Variants in DOCK7 observed in about 807,000 individuals in gnomAD.
The protein encoded by DOCK7 is dedicator of cytokinesis 7.
DOCK7 carries 138 observed loss-of-function variants against 271.0 expected under a neutral mutation model. That is an observed-to-expected ratio of 0.51 (90% confidence interval 0.44 to 0.59). The LOEUF (loss-of-function observed/expected upper bound fraction) is 0.59, where lower values mean the gene tolerates loss of function less well. Ranked by LOEUF, DOCK7 falls within the 20% of genes least tolerant of loss-of-function variation. The pLI is 0.00. For synonymous variants in DOCK7, 823 were observed against 876.1 expected (o/e 0.94, Z 1.07); for missense variants, 2,066 against 2,592.4 (o/e 0.80, Z 4.41).
intron 33 of DOCK7, among the ~76,000 whole-genome samples, chr1:62,511,988 CAAG>C (rs1298524035): frequency 2.0e-5 from 3 of 152,010 alleles, no homozygotes; most frequent in Admixed American, 6.6e-5. Context: ...GTAAGAATTA[CAAG>C]AATTATAAGA....
intron 1 of DOCK7, among the ~76,000 whole-genome samples, chr1:62,684,113 A>G (rs1661468140): frequency 6.6e-6 from 1 of 151,860 alleles, no homozygotes; most frequent in Non-Finnish European, 1.5e-5. Context: ...GGTGACGAGG[A>G]CAGGAGAATC....
chr1:62,588,591 C>T (rs1647918356), intron 14 of DOCK7, among the ~76,000 whole-genome samples: 3 of 152,002 alleles, frequency 2.0e-5, no homozygotes, highest in African/African-American at 4.8e-5. Flanking sequence ...AATCTAGCGC[C>T]TTAGTCATAT....
intron 15 of DOCK7, chr1:62,584,708 C>T (rs1647291457): frequency 8.4e-7 from 1 of 1,195,752 alleles, no homozygotes; most frequent in East Asian, 2.6e-5. Context: ...AAGATATAGA[C>T]ATGAGTAAGA....
intron 48 of DOCK7, among the ~76,000 whole-genome samples, chr1:62,466,538 A>G (rs1346800602): frequency 6.6e-6 from 1 of 152,208 alleles, no homozygotes; most frequent in African/African-American, 2.4e-5. Context: ...AGTTAAGGGA[A>G]TGCCCTTTAA....
intron 48 of DOCK7, chr1:62,458,077 G>C: frequency 5.0e-6 from 1 of 201,956 alleles, no homozygotes; most frequent in East Asian, 1.2e-4. Flanking sequence ...CTTCAGCCCA[G>C]GAAGTGGAGA....
In DOCK7 at chr1:62,578,954, A is replaced by G; in HGVS notation, c.1884T>C (p.Phe628=). The change falls in exon 17 of 50, where the codon TTT becomes TTC. Residue 628 remains phenylalanine (F), a synonymous_variant. Transcript: ENST00000635253. ...AVVYHNRSPD[F]HEEIKVKLPA... Reference sequence around the variant, plus strand: ...GAAGCTTAACCTTGATTTCTTCATGAAAATCAGGAGACCTTCATACAAAAA... The same window carrying G: ...GAAGCTTAACCTTGATTTCTTCATGGAAATCAGGAGACCTTCATACAAAAA... 6.3e-7 allele frequency: 1 copy of G among 1,577,804 alleles called. No homozygotes were observed. Among genetic ancestry groups the G allele is most frequent in the Non-Finnish European group, 8.6e-7 (1 of 1,167,724 alleles).
intron 24 of DOCK7, 75 bp downstream of exon 24, chr1:62,543,581 T>A: frequency 8.9e-7 from 1 of 1,118,600 alleles, no homozygotes; most frequent in Non-Finnish European, 1.3e-6. Context: ...ATACTGGTTA[T>A]GTAAAGAAAT....
chr1:62,688,380 C>G lies in DOCK7; in HGVS notation c.-116G>C. On this transcript the variant is annotated 5_prime_UTR_variant, in exon 1 of 50. Transcript: ENST00000635253. ...TCGCGGCCTCCGCCAGTCCGGGCTCCGGACCTGGGAGGCTGGGGCTGGCGG... is the reference window on the plus strand; with the variant it reads ...TCGCGGCCTCCGCCAGTCCGGGCTCGGGACCTGGGAGGCTGGGGCTGGCGG... The G allele has an allele frequency of 1.6e-6, 1 of 615,084 alleles. No individual in the cohort carries two copies. Among genetic ancestry groups the G allele is most frequent in the Non-Finnish European group, 2.2e-6 (1 of 447,996 alleles). The allele number at this position is 615,084 out of a possible 1,614,324, so 38.1% of individuals were successfully genotyped here.
At chr1:62,604,975 T>C (rs1323602427) in intron 14 of DOCK7, 2 of 705,122 alleles carry the variant, frequency 2.8e-6, no homozygotes, top group Non-Finnish European at 4.7e-6. Flanking sequence ...TACAATCACA[T>C]AACCTTAAAG....
chr1:62,597,969 C>T (rs1649532931), intron 14 of DOCK7: 1 of 1,556,532 alleles, frequency 6.4e-7, no homozygotes, highest in East Asian at 2.3e-5. Context: ...AATTCTACTT[C>T]AACAAAAAGT....
At chr1:62,555,679 T>C (rs1284327074) in intron 21 of DOCK7, 146 bp downstream of exon 21, 2 of 802,832 alleles carry the variant, frequency 2.5e-6, no homozygotes, top group South Asian at 2.4e-5. Flanking sequence ...CTTCAGCACC[T>C]AGCACAGTGA....
chr1:62,687,593 C>T (rs947320567), intron 1 of DOCK7: 1 of 152,270 alleles, frequency 6.6e-6, no homozygotes, highest in Non-Finnish European at 1.5e-5. Context: ...GTGCAGCCCG[C>T]AGCTCTCAAC....
At chr1:62,532,249 G>A (rs2149378773) in intron 29 of DOCK7, among the ~76,000 whole-genome samples, 1 of 152,192 alleles carries the variant, frequency 6.6e-6, no homozygotes, top group African/African-American at 2.4e-5. Flanking sequence ...TGGCCAGGCT[G>A]GTCTCAAACT....
At chr1:62,559,654 T>A (rs1260836849) in intron 19 of DOCK7, among the ~76,000 whole-genome samples, 1 of 152,150 alleles carries the variant, frequency 6.6e-6, no homozygotes. Context: ...AAAATCTATA[T>A]ACTACCAACT....
At chr1:62,564,830 G>T (rs1234299713) in intron 18 of DOCK7, among the ~76,000 whole-genome samples, 1 of 151,942 alleles carries the variant, frequency 6.6e-6, no homozygotes, top group Non-Finnish European at 1.5e-5. Context: ...AAAGAGAGAT[G>T]AATCAAATAG....
chr1:62,454,812 C>CTAAG lies in DOCK7; in HGVS notation c.*598_*601dup, dbSNP rs1438882159. 1 of 177,218 alleles carries CTAAG rather than the reference C, an allele frequency of 5.6e-6. No individual in the cohort carries two copies. The highest frequency in any genetic ancestry group is 2.3e-5 in the African/African-American group (1 of 42,726). 11.0% of individuals were successfully genotyped at this position (177,218 alleles called of 1,614,324 possible). A position where few individuals can be genotyped will look rare whatever the true frequency, so the allele number is the denominator to read the frequency against. On this transcript the variant is annotated 3_prime_UTR_variant, in exon 50 of 50. Coordinates refer to ENST00000635253, the MANE Select transcript of DOCK7 (RefSeq NM_001367561.1). ...TAAATTATTTTACACAAAGGTTTTACTAAGTAAAGTTCTGCAATTCTAAAT... is the reference window on the plus strand; with the variant it reads ...TAAATTATTTTACACAAAGGTTTTACTAAGTAAGTAAAGTTCTGCAATTCTAAAT...
In DOCK7 at chr1:62,577,450, C is replaced by G. The variant is rs1174859496; in HGVS notation, c.2011-87G>C. Reference sequence around the variant, plus strand: ...GCATGTTTTAAGAACTTGGTACAAGCCAAATTTGTCCCATATCATCAAACA... The same window carrying G: ...GCATGTTTTAAGAACTTGGTACAAGGCAAATTTGTCCCATATCATCAAACA... On this transcript the variant is annotated intron_variant, in intron 17 of 49. Coordinates refer to ENST00000635253, the MANE Select transcript of DOCK7 (RefSeq NM_001367561.1). 1.8e-5 allele frequency: 15 copies of G among 832,512 alleles called. No individual in the cohort carries two copies. The East Asian group carries it at 3.9e-4, about 22-fold the overall frequency. The allele number at this position is 832,512 out of a possible 1,614,324, so 51.6% of individuals were successfully genotyped here.
At chr1:62,580,004 C>T (rs897694497) in intron 16 of DOCK7, among the ~76,000 whole-genome samples, 1 of 152,084 alleles carries the variant, frequency 6.6e-6, no homozygotes, top group African/African-American at 2.4e-5. Context: ...AGCACGGCTG[C>T]TATTCATAAC....
intron 4 of DOCK7, among the ~76,000 whole-genome samples, chr1:62,652,785 G>A (rs759397259): frequency 1.3e-5 from 2 of 152,148 alleles, no homozygotes; most frequent in Non-Finnish European, 2.9e-5. Flanking sequence ...CTTCAGTAAT[G>A]TCTAAAATTT....
Sources: allele counts gnomAD v4.1 joint callset (sites outside exome capture counted in the v4.1 genomes callset), GRCh38; gene constraint gnomAD v4.1.1; transcripts MANE v1.5; gene names NCBI Gene and HGNC (gene_info 2026-07-23, HGNC 2026-07-21).